The following ENPP2 variants were observed in gnomAD, a reference collection of about 807,000 sequenced individuals.
ENPP2 encodes the protein autotaxin.
ENPP2 carries 51 observed loss-of-function variants against 120.2 expected under a neutral mutation model. That is an observed-to-expected ratio of 0.42 (90% CI 0.34 to 0.54). ENPP2 has a LOEUF of 0.54. Ranked by LOEUF, ENPP2 falls within the 20% of genes least tolerant of loss-of-function variation. ENPP2 has a pLI of 0.04. For synonymous variants in ENPP2, 365 were observed against 366.4 expected (o/e 1.00, Z 0.04); for missense variants, 920 against 1,066.5 (o/e 0.86, Z 1.91).
At position 119,630,884 on chromosome 8, in the gene ENPP2, CT is replaced by C. The variant is rs796960937; in HGVS notation, c.137-4165del. Reference sequence around the variant, plus strand: ...CCCAAATAAATTTGAGCTGCTATCTCTTTTTTTTTTTCTTTTTTTTCTTTTC... The same window carrying C: ...CCCAAATAAATTTGAGCTGCTATCTCTTTTTTTTTTCTTTTTTTTCTTTTC... On this transcript the variant is annotated intron_variant, in intron 2 of 24. Transcript: ENST00000075322. Among the ~76,000 whole-genome samples, 780 of 146,508 alleles carry C rather than the reference CT, an allele frequency of 5.3e-3. 3 individuals carry two copies. Among genetic ancestry groups the C allele is most frequent in the African/African-American group, 0.017 (696 of 40,148 alleles).
At chr8:119,657,524 GTTC>G (rs1163212334) in intron 1 of ENPP2, among the ~76,000 whole-genome samples, 1 of 152,174 alleles carries the variant, frequency 6.6e-6, no homozygotes, top group Non-Finnish European at 1.5e-5. Flanking sequence ...CTAATTTCCA[GTTC>G]TTCTCATCGT....
chr8:119,582,845 G>C (rs958269418), intron 17 of ENPP2, among the ~76,000 whole-genome samples: 4 of 152,166 alleles, frequency 2.6e-5, no homozygotes, highest in African/African-American at 9.7e-5. Context: ...TAGAGAGAGA[G>C]AGATTCCCAG....
chr8:119,623,115 C>G (rs1816020466), intron 3 of ENPP2, among the ~76,000 whole-genome samples: 1 of 152,096 alleles, frequency 6.6e-6, no homozygotes, highest in Admixed American at 6.5e-5. Flanking sequence ...AGCAATCCTG[C>G]CTCTTAGTAA....
chr8:119,603,226 T>TA (rs11424718), intron 9 of ENPP2, among the ~76,000 whole-genome samples: 75,976 of 149,468 alleles, frequency 0.51, 19,343 homozygotes, highest in South Asian at 0.69. Flanking sequence ...CTTTCCTGTT[T>TA]AAAAAAAAAA....
At chr8:119,579,773 G>C (rs1242946542) in intron 19 of ENPP2, among the ~76,000 whole-genome samples, 2 of 151,864 alleles carry the variant, frequency 1.3e-5, no homozygotes, top group Non-Finnish European at 2.9e-5. Context: ...TTCAGGATAG[G>C]CACCAGCTGC....
intron 18 of ENPP2, among the ~76,000 whole-genome samples, chr8:119,581,932 C>T (rs756113273): frequency 1.3e-5 from 2 of 151,906 alleles, no homozygotes; most frequent in African/African-American, 2.4e-5. Flanking sequence ...AGGGTTTCAC[C>T]ATGTTGACCA....
Position 119,601,410 on chromosome 8 carries a change from G to A in ENPP2, c.886C>T (p.Pro296Ser), listed in dbSNP as rs1482783398. 1 of 1,604,978 alleles carries A rather than the reference G, an allele frequency of 6.2e-7. No individual in the cohort carries two copies. The highest frequency in any genetic ancestry group is 8.5e-7 in the Non-Finnish European group (1 of 1,171,910). ...ILTILQWLTL[P>S]DHERPSVYAF... Reference sequence around the variant, plus strand: ...AGAAATAAATACCTCTCATGATCTGGCAGGGTGAGCCACTGCAATATGGTT... The same window carrying A: ...AGAAATAAATACCTCTCATGATCTGACAGGGTGAGCCACTGCAATATGGTT... The change falls in exon 10 of 25, where the codon CCA becomes TCA. Residue 296 changes from proline (P) to serine (S), a missense_variant. Pro to Ser is a moderately conservative substitution (Grantham distance 74). Transcript: ENST00000075322.
chr8:119,585,631 A>C (rs548424268), intron 15 of ENPP2, among the ~76,000 whole-genome samples: 70 of 152,348 alleles, frequency 4.6e-4, no homozygotes, highest in African/African-American at 1.7e-3. Context: ...GCCTCCAGAC[A>C]TGTCCTAGAC....
chr8:119,650,973 TAA>T (rs563396859), intron 1 of ENPP2, among the ~76,000 whole-genome samples: 1 of 142,006 alleles, frequency 7.0e-6, no homozygotes, highest in Non-Finnish European at 1.6e-5. Flanking sequence ...AATACTTCTT[TAA>T]AAAAAAAAAA....
intron 2 of ENPP2, among the ~76,000 whole-genome samples, chr8:119,632,533 T>C (rs1587538969): frequency 6.6e-6 from 1 of 152,174 alleles, no homozygotes; most frequent in African/African-American, 2.4e-5. Flanking sequence ...TTTTAAAAAA[T>C]AGAAACCTCA....
chr8:119,586,355 T>C (rs763072630), intron 14 of ENPP2, 42 bp from the exon 15 acceptor site: 48 of 1,600,662 alleles, frequency 3.0e-5, no homozygotes, highest in Non-Finnish European at 3.8e-5. Flanking sequence ...GGAATGTCTT[T>C]TGGAAAAATT....
chr8:119,639,302 G>C (rs1021646925), upstream of ENPP2, among the ~76,000 whole-genome samples: 1 of 151,952 alleles, frequency 6.6e-6, no homozygotes, highest in Non-Finnish European at 1.5e-5. Flanking sequence ...ACCTAATAAC[G>C]TTCCTGTCTT....
intron 8 of ENPP2, among the ~76,000 whole-genome samples, chr8:119,609,562 C>T (rs1814949349): frequency 6.6e-6 from 1 of 152,178 alleles, no homozygotes; most frequent in African/African-American, 2.4e-5. Context: ...CCCAGCCCAA[C>T]TAGGGTTCAG....
chr8:119,636,336 TTTA>T (rs1386294747), intron 2 of ENPP2, among the ~76,000 whole-genome samples: 1 of 152,224 alleles, frequency 6.6e-6, no homozygotes, highest in African/African-American at 2.4e-5. Flanking sequence ...ATCCTTGATT[TTTA>T]TTCAGGAGAA....
chr8:119,598,624 TATTG>T (rs1270926418), intron 11 of ENPP2, among the ~76,000 whole-genome samples: 2 of 152,376 alleles, frequency 1.3e-5, no homozygotes, highest in Middle Eastern at 3.4e-3. Flanking sequence ...CAAAGATGTT[TATTG>T]ATTAAGAACA....
chr8:119,641,570 T>C (rs781365367), upstream of ENPP2, among the ~76,000 whole-genome samples: 2 of 152,246 alleles, frequency 1.3e-5, no homozygotes, highest in Non-Finnish European at 2.9e-5. Flanking sequence ...CACTGCCCCC[T>C]GGCAGAAGAA....
chr8:119,662,394 G>A (rs1178645024), intron 1 of ENPP2, among the ~76,000 whole-genome samples: 1 of 151,866 alleles, frequency 6.6e-6, no homozygotes, highest in Non-Finnish European at 1.5e-5. Flanking sequence ...TAGACCAATG[G>A]GTCTCAAAGT....
chr8:119,648,762 A>G (rs887139778), intron 1 of ENPP2, among the ~76,000 whole-genome samples: 6 of 152,228 alleles, frequency 3.9e-5, no homozygotes, highest in Non-Finnish European at 7.3e-5. Flanking sequence ...AAAAGTCCAG[A>G]GCTAACATCA....
chr8:119,649,191 G>A (rs13265812), intron 1 of ENPP2, among the ~76,000 whole-genome samples: 46,121 of 150,158 alleles, frequency 0.31, 7,554 homozygotes, highest in East Asian at 0.5. Context: ...CAGGAGATCG[G>A]GAGCATCCTG....
Sources: allele counts gnomAD v4.1 joint callset (sites outside exome capture counted in the v4.1 genomes callset), GRCh38; gene constraint gnomAD v4.1.1; transcripts MANE v1.5; gene names NCBI Gene and HGNC (gene_info 2026-07-23, HGNC 2026-07-21).